CFAP54: variants seen among roughly 807,000 people sequenced by gnomAD.
CFAP54 encodes cilia and flagella associated protein 54.
CFAP54 carries 290 observed loss-of-function variants against 370.4 expected under a neutral mutation model. That is an observed-to-expected ratio of 0.78 (90% CI 0.71 to 0.86). CFAP54 has a LOEUF of 0.86. Among genes scored for constraint, CFAP54 ranks in the 40% least tolerant of loss-of-function variants. The pLI is 0.00. For synonymous variants in CFAP54, 1,206 were observed against 1,236.5 expected, an observed-to-expected ratio of 0.98 and a Z score of 0.52; for missense variants, 3,399 against 3,528.7, an observed-to-expected ratio of 0.96 and a Z score of 0.93.
At position 96,497,755 on chromosome 12, in the gene CFAP54, A is replaced by G. The variant is rs569315480; in HGVS notation, c.318-3079A>G. Among the ~76,000 whole-genome samples, 6 of 152,362 alleles carry G rather than the reference A, an allele frequency of 3.9e-5. No homozygotes were observed. The South Asian group carries it at 1.2e-3, about 32-fold the overall frequency. On this transcript the variant is annotated intron_variant, in intron 1 of 67. Coordinates refer to ENST00000524981, the MANE Select transcript of CFAP54 (RefSeq NM_001306084.2). Reference sequence around the variant, plus strand: ...TGTACTGCACATGAAAACGTTGAGGATAGTTTCCTTTAAATCAACAGAGTA... The same window carrying G: ...TGTACTGCACATGAAAACGTTGAGGGTAGTTTCCTTTAAATCAACAGAGTA...
intron 17 of CFAP54, among the ~76,000 whole-genome samples, chr12:96,558,715 A>G (rs534730768): frequency 6.6e-6 from 1 of 152,184 alleles, no homozygotes; most frequent in East Asian, 1.9e-4. Flanking sequence ...CTCACCATAT[A>G]TAAAAATCAA....
chr12:96,826,376 T>G, intron 65 of CFAP54, among the ~76,000 whole-genome samples: 1 of 88,730 alleles, frequency 1.1e-5, no homozygotes, highest in African/African-American at 4.5e-5. Flanking sequence ...TTATATATAT[T>G]CAATATATTG....
intron 26 of CFAP54, among the ~76,000 whole-genome samples, chr12:96,613,924 T>A (rs1369170332): frequency 6.6e-6 from 1 of 150,476 alleles, no homozygotes; most frequent in Non-Finnish European, 1.5e-5. Flanking sequence ...AGCCGAATTC[T>A]ACCAGAGGTA....
At chr12:96,834,261 G>A (rs1199460362) in intron 66 of CFAP54, among the ~76,000 whole-genome samples, 1 of 152,222 alleles carries the variant, frequency 6.6e-6, no homozygotes, top group Non-Finnish European at 1.5e-5. Flanking sequence ...GGTCAAGGGA[G>A]GCTGTTAGTG....
Position 96,554,257 on chromosome 12 carries a change from A to C in CFAP54, c.2230A>C (p.Met744Leu), listed in dbSNP as rs1256376391. Residue 744 changes from methionine (M) to leucine (L), a missense_variant, in exon 16 of 68, where the codon ATG (methionine) becomes CTG (leucine). Transcript: ENST00000524981. Reference protein sequence around the residue: ...RAIGGINLNCMLTSLPNGSSV... With the variant: ...RAIGGINLNCLLTSLPNGSSV... ...AATCGGTGGAATAAATTTGAATTGCATGTTAACCTCTTTGCCAAATGGATC... is the reference window on the plus strand; with the variant it reads ...AATCGGTGGAATAAATTTGAATTGCCTGTTAACCTCTTTGCCAAATGGATC... 11 of 1,528,814 alleles carry C rather than the reference A, an allele frequency of 7.2e-6. No homozygotes were observed. Among genetic ancestry groups the C allele is most frequent in the African/African-American group, 1.4e-5 (1 of 72,734 alleles). The allele number at this position is 1,528,814 out of a possible 1,614,324, so 94.7% of individuals were successfully genotyped here. A position where few individuals can be genotyped will look rare whatever the true frequency, so the allele number is the denominator to read the frequency against.
At chr12:96,696,890 A>G (rs1015239624) in intron 45 of CFAP54, among the ~76,000 whole-genome samples, 2 of 152,232 alleles carry the variant, frequency 1.3e-5, no homozygotes, top group South Asian at 2.1e-4. Context: ...GAGAAAAGTC[A>G]TAGTCAGGAA....
At chr12:96,805,585 A>C (rs932368601) in intron 63 of CFAP54, among the ~76,000 whole-genome samples, 4 of 151,112 alleles carry the variant, frequency 2.6e-5, no homozygotes, top group Non-Finnish European at 5.9e-5. Context: ...AAAAAAAAAA[A>C]CCAGATATTG....
At chr12:96,504,756 T>C (rs538250832) in intron 3 of CFAP54, among the ~76,000 whole-genome samples, 1 of 152,280 alleles carries the variant, frequency 6.6e-6, no homozygotes, top group South Asian at 2.1e-4. Context: ...TTAAGGCATG[T>C]TTGGGAGACA....
intron 9 of CFAP54, among the ~76,000 whole-genome samples, chr12:96,533,550 TC>T (rs1364234974): frequency 6.6e-6 from 1 of 152,184 alleles, no homozygotes; most frequent in Non-Finnish European, 1.5e-5. Flanking sequence ...CCATTCTCTT[TC>T]CCCTGAGTAT....
intron 66 of CFAP54, among the ~76,000 whole-genome samples, chr12:96,843,820 GA>G (rs1261797416): frequency 2.0e-5 from 3 of 152,082 alleles, no homozygotes; most frequent in Non-Finnish European, 4.4e-5. Flanking sequence ...TCCTAATTTG[GA>G]CAATAAATTA....
chr12:96,869,645 A>G (rs1960097096), intron 67 of CFAP54, among the ~76,000 whole-genome samples: 1 of 152,274 alleles, frequency 6.6e-6, no homozygotes, highest in South Asian at 2.1e-4. Flanking sequence ...AAGAAAATAG[A>G]TTATTATGGG....
At chr12:96,590,200 G>T (rs1262405415) in intron 23 of CFAP54, among the ~76,000 whole-genome samples, 2 of 152,168 alleles carry the variant, frequency 1.3e-5, no homozygotes, top group African/African-American at 2.4e-5. Flanking sequence ...AGGTCAAATT[G>T]GGGTTAAGGT....
chr12:96,533,305 G>C (rs1403116867), intron 9 of CFAP54, among the ~76,000 whole-genome samples: 1 of 152,088 alleles, frequency 6.6e-6, no homozygotes, highest in Middle Eastern at 3.4e-3. Context: ...ATGTGTTACT[G>C]TTGAGTACTC....
intron 15 of CFAP54, among the ~76,000 whole-genome samples, chr12:96,553,842 GA>G (rs1355189511): frequency 6.6e-6 from 1 of 151,936 alleles, no homozygotes; most frequent in Non-Finnish European, 1.5e-5. Flanking sequence ...ATATGAAAGT[GA>G]CAAACTATGT....
chr12:96,707,711 A>AATT (rs1371966967), intron 47 of CFAP54, among the ~76,000 whole-genome samples: 11 of 152,284 alleles, frequency 7.2e-5, no homozygotes, highest in African/African-American at 2.6e-4. Context: ...CCTAAGTGGT[A>AATT]ATGCCAGCCT....
chr12:96,532,532 C>T (rs935014053), intron 9 of CFAP54, among the ~76,000 whole-genome samples: 3 of 152,210 alleles, frequency 2.0e-5, no homozygotes, highest in Non-Finnish European at 4.4e-5. Flanking sequence ...GATCCTTTCC[C>T]ACTATCTCTC....
At chr12:96,573,110 C>T (rs1592857566) in intron 19 of CFAP54, 4 of 867,918 alleles carry the variant, frequency 4.6e-6, no homozygotes, top group East Asian at 2.4e-4. Flanking sequence ...GTATATTTTA[C>T]AGGCTCCAGA....
chr12:96,633,130 A>G (rs1474663994), intron 32 of CFAP54, among the ~76,000 whole-genome samples: 4 of 152,150 alleles, frequency 2.6e-5, no homozygotes, highest in African/African-American at 9.6e-5. Flanking sequence ...GTGGACAGTC[A>G]TAATCTGAAG....
chr12:96,737,497 T>G (rs914719406), intron 50 of CFAP54, among the ~76,000 whole-genome samples: 10 of 58,356 alleles, frequency 1.7e-4, no homozygotes, highest in African/African-American at 5.2e-4. Flanking sequence ...ATATGTTTTG[T>G]TTTTTTTTTT....
Sources: allele counts gnomAD v4.1 joint callset (sites outside exome capture counted in the v4.1 genomes callset), GRCh38; gene constraint gnomAD v4.1.1; transcripts MANE v1.5; gene names NCBI Gene and HGNC (gene_info 2026-07-23, HGNC 2026-07-21).